Variants in HCN1 observed in about 807,000 individuals in gnomAD.
The protein encoded by HCN1 is hyperpolarization activated cyclic nucleotide gated potassium channel 1.
HCN1 carries 13 observed loss-of-function variants against 78.9 expected under a neutral mutation model. The observed-to-expected ratio is 0.16, with a 90% CI of 0.11 to 0.26. HCN1 has a LOEUF of 0.26. Ranked by LOEUF, HCN1 falls within the 10% of genes least tolerant of loss-of-function variation. The pLI is 1.00. For synonymous variants in HCN1, 552 were observed against 455.5 expected (o/e 1.21, Z -2.70); for missense variants, 810 against 1,154.3 (o/e 0.70, Z 4.32).
At chr5:45,454,339 A>G (rs1053849403) in intron 3 of HCN1, among the ~76,000 whole-genome samples, 3 of 152,040 alleles carry the variant, frequency 2.0e-5, no homozygotes, top group African/African-American at 4.8e-5. Flanking sequence ...TGGGAGAGAC[A>G]GGACAGCAAA....
At chr5:45,479,126 A>T (rs1187946663) in intron 2 of HCN1, among the ~76,000 whole-genome samples, 3 of 137,026 alleles carry the variant, frequency 2.2e-5, no homozygotes, top group African/African-American at 9.3e-5. Flanking sequence ...GACTGTTTTA[A>T]AAAAAAAAAA....
At chr5:45,414,370 A>T (rs1457910788) in intron 3 of HCN1, among the ~76,000 whole-genome samples, 3 of 152,034 alleles carry the variant, frequency 2.0e-5, no homozygotes, top group African/African-American at 7.2e-5. Context: ...TCATTCATCT[A>T]AAAAAGAGGC....
At chr5:45,688,969 C>T (rs558764739) in intron 1 of HCN1, among the ~76,000 whole-genome samples, 8 of 152,050 alleles carry the variant, frequency 5.3e-5, no homozygotes, top group Non-Finnish European at 1.2e-4. Context: ...TTAGTGGTTG[C>T]TTAAGGCTGA....
At chr5:45,354,409 A>T (rs1746970309) in intron 4 of HCN1, among the ~76,000 whole-genome samples, 1 of 152,012 alleles carries the variant, frequency 6.6e-6, no homozygotes, top group Non-Finnish European at 1.5e-5. Flanking sequence ...TGTCAAAATA[A>T]TATTTTTCCT....
chr5:45,304,859 T>A (rs191226444), intron 5 of HCN1, among the ~76,000 whole-genome samples: 1 of 152,136 alleles, frequency 6.6e-6, no homozygotes, highest in Non-Finnish European at 1.5e-5. Flanking sequence ...GAGATCTGTA[T>A]GTTTGATTTC....
rs1240211264 is a variant in HCN1, at chr5:45,374,897, CAGAG to C, written c.1230+21591_1230+21594del. 2.9e-3 allele frequency among the ~76,000 whole-genome samples: 405 copies of C among 140,498 alleles called. 1 individual carries two copies. The highest frequency in any genetic ancestry group is 9.0e-3 in the African/African-American group (346 of 38,522). The allele number at this position is 140,498 out of a possible 152,430, so 92.2% of individuals were successfully genotyped here. On this transcript the variant is annotated intron_variant, in intron 4 of 7. Transcript: ENST00000303230. ...TCATGGGTATATATATAGAGAGAGA[CAGAG>C]AGAGAGAGAGAGAACTATACTATAG... is the stretch of plus-strand genomic sequence containing the variant.
intron 6 of HCN1, among the ~76,000 whole-genome samples, chr5:45,283,779 TCC>T (rs1355396569): frequency 1.3e-5 from 2 of 152,136 alleles, no homozygotes; most frequent in Non-Finnish European, 2.9e-5. Context: ...GAACCAGCTA[TCC>T]CATTACCGCA....
intron 2 of HCN1, among the ~76,000 whole-genome samples, chr5:45,545,004 G>C (rs1421119545): frequency 6.6e-6 from 1 of 152,032 alleles, no homozygotes; most frequent in Non-Finnish European, 1.5e-5. Flanking sequence ...TCTAGTTCTA[G>C]ATCCCTGAGG....
chr5:45,311,052 T>C (rs1745842522), intron 5 of HCN1, among the ~76,000 whole-genome samples: 2 of 152,260 alleles, frequency 1.3e-5, no homozygotes, highest in South Asian at 4.1e-4. Context: ...AAGTAGCTAA[T>C]GGATACTAGG....
chr5:45,402,815 C>A (rs1739843858), intron 3 of HCN1, among the ~76,000 whole-genome samples: 1 of 94,642 alleles, frequency 1.1e-5, no homozygotes, highest in Admixed American at 1.0e-4. Context: ...TTTCTTTCCT[C>A]CTTCCTTCCT....
At chr5:45,364,477 C>T (rs1004895709) in intron 4 of HCN1, among the ~76,000 whole-genome samples, 38 of 151,982 alleles carry the variant, frequency 2.5e-4, no homozygotes, top group Admixed American at 6.6e-4. Context: ...GATCTCGACT[C>T]GTAAGCCTGT....
rs534808541 is a variant in HCN1 at position 45,454,418 on chromosome 5, A to AT, written c.1011+7427dup. On this transcript the variant is annotated intron_variant, in intron 3 of 7. Transcript: ENST00000303230. The stretch of plus-strand genomic sequence containing the variant: ...TATAACTCATAGGAGCTACGAAGGC[A>AT]TTTTTTTTTCCAGTAGAGCTACAGT... Among the ~76,000 whole-genome samples, 118 of 150,596 alleles carry AT rather than the reference A, an allele frequency of 7.8e-4. 1 individual carries two copies. Among genetic ancestry groups the AT allele is most frequent in the East Asian group, 7.0e-3 (36 of 5,120 alleles).
At chr5:45,580,612 T>G (rs909745613) in intron 2 of HCN1, among the ~76,000 whole-genome samples, 1 of 152,138 alleles carries the variant, frequency 6.6e-6, no homozygotes, top group African/African-American at 2.4e-5. Context: ...TGTGTATACA[T>G]GTGCCATGTA....
At chr5:45,632,746 TCAAACA>T (rs1745290363) in intron 2 of HCN1, among the ~76,000 whole-genome samples, 1 of 152,010 alleles carries the variant, frequency 6.6e-6, no homozygotes, top group African/African-American at 2.4e-5. Flanking sequence ...CATTGGTTTT[TCAAACA>T]GAATCTATCA....
intron 5 of HCN1, among the ~76,000 whole-genome samples, chr5:45,321,278 A>G (rs1009885961): frequency 6.6e-6 from 1 of 151,902 alleles, no homozygotes; most frequent in African/African-American, 2.4e-5. Flanking sequence ...TAGTTCGCAT[A>G]TTATATCTCA....
chr5:45,372,194 AATATAATACATAT>A (rs1561128075), intron 4 of HCN1, among the ~76,000 whole-genome samples: 1 of 69,748 alleles, frequency 1.4e-5, no homozygotes, highest in East Asian at 5.6e-4. Context: ...TAATACAATT[AATATAATACATAT>A]TATATAATAT....
intron 5 of HCN1, among the ~76,000 whole-genome samples, chr5:45,319,696 G>GTT (rs535543948): frequency 6.9e-6 from 1 of 144,136 alleles, no homozygotes; most frequent in African/African-American, 2.5e-5. Context: ...TTGTTTCCTG[G>GTT]TTTTTTTTTT....
chr5:45,284,881 C>T (rs926331200), intron 6 of HCN1, among the ~76,000 whole-genome samples: 1 of 152,144 alleles, frequency 6.6e-6, no homozygotes, highest in East Asian at 1.9e-4. Context: ...TTTCTTCCTC[C>T]TTCCTATGCA....
At position 45,357,009 on chromosome 5, in the gene HCN1, G is replaced by C. The variant is rs141411748; in HGVS notation, c.1231-3763C>G. 3.3e-4 allele frequency among the ~76,000 whole-genome samples: 50 copies of C among 151,972 alleles called. 1 individual carries two copies. The East Asian group carries it at 7.9e-3, about 24-fold the overall frequency. On this transcript the variant is annotated intron_variant, in intron 4 of 7. Coordinates refer to ENST00000303230, the MANE Select transcript of HCN1 (RefSeq NM_021072.4). ...CAATTGCTGATCACATTTATTTCTT[G>C]GGTAATTAGCCTTCATTTAGTATTA...
Sources: allele counts gnomAD v4.1 joint callset (sites outside exome capture counted in the v4.1 genomes callset), GRCh38; gene constraint gnomAD v4.1.1; transcripts MANE v1.5; gene names NCBI Gene and HGNC (gene_info 2026-07-23, HGNC 2026-07-21).